MED27: variants seen among roughly 807,000 people sequenced by gnomAD.
MED27 encodes the protein mediator complex subunit 27, also known as mediator of RNA polymerase II transcription subunit 27.
Under a neutral mutation model 38.2 loss-of-function variants are expected in MED27, and 30 were observed. The observed-to-expected ratio is 0.79, with a 90% confidence interval of 0.59 to 1.07. The LOEUF (loss-of-function observed/expected upper bound fraction) is 1.07. MED27 is among the 50% of genes least tolerant of loss of function. The probability of loss-of-function intolerance (pLI) is 0.00; values close to 1 mark genes in which losing one functional copy is unlikely to be tolerated. For missense variants in MED27, 289 were observed against 397.5 expected, an observed-to-expected ratio of 0.73 and a Z score of 2.32; for synonymous variants, 122 against 153.5, an observed-to-expected ratio of 0.79 and a Z score of 1.52.
intron 3 of MED27, among the ~76,000 whole-genome samples, chr9:132,008,847 C>G (rs916639889): frequency 1.3e-5 from 2 of 151,512 alleles, no homozygotes; most frequent in Admixed American, 1.3e-4. Context: ...AACCCAGACG[C>G]TAGCCCTTCA....
chr9:131,983,013 G>C (rs1248722922), intron 3 of MED27, among the ~76,000 whole-genome samples: 1 of 152,162 alleles, frequency 6.6e-6, no homozygotes, highest in East Asian at 1.9e-4. Flanking sequence ...CTGAGTTTCA[G>C]CAAGTTCCCA....
chr9:131,874,454 C>T (rs1162700331), intron 6 of MED27, among the ~76,000 whole-genome samples: 3 of 152,096 alleles, frequency 2.0e-5, no homozygotes, highest in Non-Finnish European at 4.4e-5. Context: ...GGGTACGGCT[C>T]ACCTTGCAGG....
intron 2 of MED27, among the ~76,000 whole-genome samples, chr9:132,066,616 C>G (rs1042046816): frequency 2.0e-5 from 3 of 152,186 alleles, no homozygotes; most frequent in African/African-American, 7.2e-5. Context: ...AGCAACAGGC[C>G]TCACCAAGCC....
At position 132,051,869 on chromosome 9, in the gene MED27, A is replaced by T. The variant is rs996917034; in HGVS notation, c.348+25573T>A. ...AAAACCAGAAGAATCCCGATGGACG[A>T]GACTGAGGTGCCAAAACAGGTCCCT... On this transcript the variant is annotated intron_variant, in intron 2 of 7. Transcript: ENST00000292035. This position sits in a 1 kb window ranked among gnomAD's most constrained non-coding sequence, Gnocchi z 4.2. Among the ~76,000 whole-genome samples the T allele has an allele frequency of 2.0e-5, 3 of 152,208 alleles. No individual in the cohort carries two copies. The highest frequency in any genetic ancestry group is 1.5e-5 in the Non-Finnish European group (1 of 68,032).
At chr9:132,033,370 T>C (rs1237891669) in intron 2 of MED27, among the ~76,000 whole-genome samples, 5 of 152,240 alleles carry the variant, frequency 3.3e-5, no homozygotes, top group Admixed American at 6.5e-5. Flanking sequence ...CACTCCATAC[T>C]GGGCTCAAAA....
In MED27 at chr9:131,860,653, A is replaced by G. The variant is rs1323302741; in HGVS notation, c.821T>C (p.Ile274Thr). 6.2e-7 allele frequency: 1 copy of G among 1,613,442 alleles called. No homozygotes were observed. Residue 274 changes from isoleucine to threonine, a missense_variant, in exon 8 of 8, where the codon ATA becomes ACA. Coordinates refer to ENST00000292035, the MANE Select transcript of MED27 (RefSeq NM_004269.4). The surrounding 1 kb of genome is among the most constrained non-coding windows in gnomAD (Gnocchi z 5.8). ...CTGGCACGGGGCCTGGAACAGCTTT[A>G]TGTAACTTCTTAACCAGGTCTAAAA... Reference protein sequence around the residue: ...RSFMTWLRSYIKLFQAPCQRC... With the variant: ...RSFMTWLRSYTKLFQAPCQRC...
intron 3 of MED27, among the ~76,000 whole-genome samples, chr9:131,980,883 G>C (rs1223452748): frequency 6.6e-6 from 1 of 152,210 alleles, no homozygotes; most frequent in East Asian, 1.9e-4. Context: ...TTTCTTGTTA[G>C]TGAAGAAACA....
chr9:132,078,950 G>A (rs1007990251), intron 1 of MED27, among the ~76,000 whole-genome samples: 10 of 152,190 alleles, frequency 6.6e-5, no homozygotes, highest in Admixed American at 6.5e-5. Flanking sequence ...GTAAGGAAGA[G>A]GAGGAAAAGT....
At chr9:131,956,158 G>A (rs1310596778) in intron 3 of MED27, among the ~76,000 whole-genome samples, 3 of 152,096 alleles carry the variant, frequency 2.0e-5, no homozygotes, top group Admixed American at 6.6e-5. Flanking sequence ...GGGAAATTAC[G>A]CTAAGTCAGA....
At chr9:132,015,425 T>C (rs1242889683) in intron 2 of MED27, among the ~76,000 whole-genome samples, 3 of 152,204 alleles carry the variant, frequency 2.0e-5, no homozygotes, top group African/African-American at 4.8e-5. Flanking sequence ...CAGTTTCTTA[T>C]TGGGAAAGAG....
At chr9:132,013,113 G>T (rs953640350) in intron 3 of MED27, among the ~76,000 whole-genome samples, 2 of 152,198 alleles carry the variant, frequency 1.3e-5, no homozygotes, top group African/African-American at 4.8e-5. Flanking sequence ...GAAATGGACT[G>T]ATGTGCCCAC....
In MED27 at chr9:131,889,858, T is replaced by C. The variant is rs1839199680; in HGVS notation, c.681+4027A>G. ...CTTCCTGAGCCACACCCAGGGCCTCTGTGGCTGTGCTCCAGGAGACTGCAG... is the reference window on the plus strand; with the variant it reads ...CTTCCTGAGCCACACCCAGGGCCTCCGTGGCTGTGCTCCAGGAGACTGCAG... On this transcript the variant is annotated intron_variant, in intron 5 of 7. Coordinates refer to ENST00000292035, the MANE Select transcript of MED27 (RefSeq NM_004269.4). The surrounding 1 kb of genome is among the most constrained non-coding windows in gnomAD (Gnocchi z 4.2). Among the ~76,000 whole-genome samples the C allele has an allele frequency of 6.6e-6, 1 of 152,168 alleles. No homozygotes were observed. Among genetic ancestry groups the C allele is most frequent in the Non-Finnish European group, 1.5e-5 (1 of 68,022 alleles).
At chr9:131,949,474 A>C (rs1830948249) in intron 3 of MED27, among the ~76,000 whole-genome samples, 1 of 152,194 alleles carries the variant, frequency 6.6e-6, no homozygotes, top group African/African-American at 2.4e-5. Context: ...CTTGCCCAGG[A>C]AGACACTATG....
intron 2 of MED27, among the ~76,000 whole-genome samples, chr9:132,068,447 A>G (rs1369370536): frequency 6.6e-6 from 1 of 152,188 alleles, no homozygotes; most frequent in Non-Finnish European, 1.5e-5. Flanking sequence ...AGAGCTGCAG[A>G]GTGGAAAATA....
At chr9:131,961,073 A>G (rs1831204904) in intron 3 of MED27, among the ~76,000 whole-genome samples, 1 of 152,182 alleles carries the variant, frequency 6.6e-6, no homozygotes, top group East Asian at 1.9e-4. Context: ...GAAACTGGAG[A>G]AGAGTGTCAT....
At chr9:132,068,952 G>A (rs1272422637) in intron 2 of MED27, among the ~76,000 whole-genome samples, 1 of 152,204 alleles carries the variant, frequency 6.6e-6, no homozygotes, top group Non-Finnish European at 1.5e-5. Context: ...CCACCATGAA[G>A]AGAGAAGACA....
In MED27 at chr9:131,883,568, G is replaced by A. The variant is rs1839085138; in HGVS notation, c.723+490C>T. 6.6e-6 allele frequency among the ~76,000 whole-genome samples: 1 copy of A among 152,196 alleles called. No individual in the cohort carries two copies. The highest frequency in any genetic ancestry group is 1.5e-5 in the Non-Finnish European group (1 of 68,028). ...GGGCAGGGTGAGGGAGTGCCAGCCTGCTTCCCTTGGCCCATCCCTTGGGCA... is the reference window on the plus strand; with the variant it reads ...GGGCAGGGTGAGGGAGTGCCAGCCTACTTCCCTTGGCCCATCCCTTGGGCA... On this transcript the variant is annotated intron_variant, in intron 6 of 7. Coordinates refer to ENST00000292035, the MANE Select transcript of MED27 (RefSeq NM_004269.4). The surrounding 1 kb of genome is among the most constrained non-coding windows in gnomAD (Gnocchi z 4.2).
At chr9:131,909,544 C>T (rs532302140) in intron 4 of MED27, among the ~76,000 whole-genome samples, 9 of 152,328 alleles carry the variant, frequency 5.9e-5, no homozygotes, top group African/African-American at 1.2e-4. Context: ...ACAGACCTGC[C>T]GCTTGCATTA....
chr9:132,010,178 C>G (rs1474410900), intron 3 of MED27, among the ~76,000 whole-genome samples: 1 of 152,180 alleles, frequency 6.6e-6, no homozygotes, highest in African/African-American at 2.4e-5. Context: ...AGGTTTTCTT[C>G]TAGGGTTTTT....
Sources: allele counts gnomAD v4.1 joint callset (sites outside exome capture counted in the v4.1 genomes callset), GRCh38; gene constraint gnomAD v4.1.1; non-coding constraint Gnocchi (gnomAD v3.1); transcripts MANE v1.5; gene names NCBI Gene and HGNC (gene_info 2026-07-23, HGNC 2026-07-21).